BBS9: variants seen among roughly 807,000 people sequenced by gnomAD.
BBS9 encodes the protein protein PTHB1.
Under a neutral mutation model 117.7 loss-of-function variants are expected in BBS9, and 89 were observed. That is an observed-to-expected ratio of 0.76 (90% CI 0.64 to 0.90). The LOEUF (loss-of-function observed/expected upper bound fraction) is 0.90, where lower values mean the gene tolerates loss of function less well. Among genes scored for constraint, BBS9 ranks in the 40% least tolerant of loss-of-function variants. The pLI, the probability that BBS9 is intolerant of heterozygous loss-of-function variation, is 0.00. For missense variants in BBS9, 982 were observed against 1,042.2 expected (o/e 0.94, Z 0.80); for synonymous variants, 379 against 370.9 (o/e 1.02, Z -0.25).
At chr7:33,539,091 T>C (rs1201644914) in intron 21 of BBS9, among the ~76,000 whole-genome samples, 1 of 152,154 alleles carries the variant, frequency 6.6e-6, no homozygotes, top group Non-Finnish European at 1.5e-5. Context: ...CAAAGGAACT[T>C]GGGAGAACTT....
In BBS9 at chr7:33,352,912, A is replaced by T. The variant is rs1050891581; in HGVS notation, c.1552+39A>T. On this transcript the variant is annotated intron_variant, in intron 15 of 22. Coordinates refer to ENST00000242067, the MANE Select transcript of BBS9 (RefSeq NM_198428.3). ...TAATTTAGAAAAAAATGAATTTCAG[A>T]ACTGAAATTTGATGAATTGAATTGG... 1.9e-6 allele frequency: 3 copies of T among 1,584,018 alleles called. No individual in the cohort carries two copies. The South Asian group carries it at 3.3e-5, about 18-fold the overall frequency.
intron 9 of BBS9, among the ~76,000 whole-genome samples, chr7:33,277,897 A>T (rs186635995): frequency 2.4e-4 from 36 of 152,266 alleles, no homozygotes; most frequent in African/African-American, 7.5e-4. Flanking sequence ...CCTCTGGAAT[A>T]ATGGCTGGCA....
intron 6 of BBS9, among the ~76,000 whole-genome samples, chr7:33,263,112 T>G (rs1166194703): frequency 1.4e-5 from 2 of 147,048 alleles, no homozygotes; most frequent in African/African-American, 2.5e-5. Context: ...ATTAATAAGA[T>G]CTATTTTTTA....
At chr7:33,218,700 A>G (rs1335652905) in intron 5 of BBS9, among the ~76,000 whole-genome samples, 1 of 152,268 alleles carries the variant, frequency 6.6e-6, no homozygotes, top group East Asian at 1.9e-4. Context: ...AACCAATATA[A>G]GAAACCAACA....
chr7:33,416,260 C>G (rs954365295), intron 19 of BBS9, among the ~76,000 whole-genome samples: 10 of 151,510 alleles, frequency 6.6e-5, no homozygotes, highest in African/African-American at 2.4e-4. Context: ...ATGGTGAGAA[C>G]AGGCTGCCCC....
intron 21 of BBS9, among the ~76,000 whole-genome samples, chr7:33,633,936 A>G (rs1866020021): frequency 6.6e-6 from 1 of 152,046 alleles, no homozygotes; most frequent in Non-Finnish European, 1.5e-5. Flanking sequence ...ACTCATGAAA[A>G]CAGTGCTGCA....
At chr7:33,608,953 G>T (rs896893852), downstream of BBS9, among the ~76,000 whole-genome samples, 3 of 151,982 alleles carry the variant, frequency 2.0e-5, no homozygotes, top group Admixed American at 2.0e-4. Context: ...CCAGAATGAT[G>T]TTTCCTAGGT....
chr7:33,407,606 G>A (rs966568699), intron 19 of BBS9, among the ~76,000 whole-genome samples: 4 of 150,260 alleles, frequency 2.7e-5, no homozygotes, highest in African/African-American at 9.8e-5. Flanking sequence ...GTACAGATGG[G>A]TTTTTCGTGT....
At position 33,240,109 on chromosome 7, in the gene BBS9, T is replaced by C. The variant is rs536548313; in HGVS notation, c.443-17127T>C. On this transcript the variant is annotated intron_variant, in intron 5 of 22. Transcript: ENST00000242067. Reference sequence around the variant, plus strand: ...TTATGAATATTCTTTTCTCATATGCTAAATTCCCATAGTCATTAATTTGTT... The same window carrying C: ...TTATGAATATTCTTTTCTCATATGCCAAATTCCCATAGTCATTAATTTGTT... 2.3e-4 allele frequency among the ~76,000 whole-genome samples: 35 copies of C among 152,344 alleles called. 1 individual carries two copies. The highest frequency in any genetic ancestry group is 6.7e-4 in the African/African-American group (28 of 41,584).
chr7:33,184,966 C>G (rs1433414937), intron 5 of BBS9, among the ~76,000 whole-genome samples: 1 of 152,150 alleles, frequency 6.6e-6, no homozygotes, highest in African/African-American at 2.4e-5. Flanking sequence ...AAAGGGTGGG[C>G]AATTTCCCCA....
At chr7:33,531,705 C>T (rs1360072557) in intron 20 of BBS9, among the ~76,000 whole-genome samples, 1 of 152,118 alleles carries the variant, frequency 6.6e-6, no homozygotes, top group Non-Finnish European at 1.5e-5. Context: ...ATTCTGCATG[C>T]CTCTGGAGGG....
intron 9 of BBS9, among the ~76,000 whole-genome samples, chr7:33,306,345 G>C (rs1391047803): frequency 1.3e-5 from 2 of 151,870 alleles, no homozygotes; most frequent in Non-Finnish European, 2.9e-5. Context: ...TATAATGAAG[G>C]CCATCATGCT....
chr7:33,293,895 A>G (rs1804611738), intron 9 of BBS9, among the ~76,000 whole-genome samples: 1 of 152,158 alleles, frequency 6.6e-6, no homozygotes, highest in Admixed American at 6.5e-5. Flanking sequence ...CTTCGTGAAG[A>G]GATCTACATA....
At chr7:33,197,877 T>C (rs10254116) in intron 5 of BBS9, among the ~76,000 whole-genome samples, 50,968 of 151,710 alleles carry the variant, frequency 0.34, 8,866 homozygotes, top group Admixed American at 0.46. Flanking sequence ...AGTTCTAATA[T>C]TGGTAGGCAT....
chr7:33,586,774 T>C (rs1291306926), intron 21 of BBS9, among the ~76,000 whole-genome samples: 2 of 152,096 alleles, frequency 1.3e-5, no homozygotes, highest in Non-Finnish European at 2.9e-5. Flanking sequence ...TGGAAACCAT[T>C]ATCCTAAGTG....
At chr7:33,516,486 C>A (rs539875021) in intron 20 of BBS9, among the ~76,000 whole-genome samples, 92 of 54,114 alleles carry the variant, frequency 1.7e-3, no homozygotes, top group African/African-American at 7.8e-3. Context: ...AATTTCATCT[C>A]CAAAAAAAAA....
intron 19 of BBS9, among the ~76,000 whole-genome samples, chr7:33,498,055 G>A (rs1254396154): frequency 1.3e-5 from 2 of 152,142 alleles, no homozygotes; most frequent in Non-Finnish European, 2.9e-5. Context: ...CTTTTACCGA[G>A]TATTGTTTTA....
intron 5 of BBS9, among the ~76,000 whole-genome samples, chr7:33,203,867 C>T (rs1459159137): frequency 2.6e-5 from 4 of 151,548 alleles, no homozygotes; most frequent in Non-Finnish European, 4.4e-5. Context: ...GGATTACAGG[C>T]GTGTGACACC....
intron 19 of BBS9, among the ~76,000 whole-genome samples, chr7:33,496,658 A>G (rs1228756270): frequency 6.6e-6 from 1 of 152,224 alleles, no homozygotes; most frequent in East Asian, 1.9e-4. Flanking sequence ...TATAATAGCA[A>G]AAACAGCTAA....
Sources: allele counts gnomAD v4.1 joint callset (sites outside exome capture counted in the v4.1 genomes callset), GRCh38; gene constraint gnomAD v4.1.1; transcripts MANE v1.5; gene names NCBI Gene and HGNC (gene_info 2026-07-23, HGNC 2026-07-21).